Variants in ATXN10 observed in about 807,000 individuals in gnomAD.
The protein encoded by ATXN10 is ataxin 10.
ATXN10 carries 28 observed loss-of-function variants against 52.9 expected under a neutral mutation model. That is an observed-to-expected ratio of 0.53 (90% confidence interval 0.39 to 0.73). ATXN10 has a LOEUF of 0.73. Among genes scored for constraint, ATXN10 ranks in the 30% least tolerant of loss-of-function variants. The pLI is 0.00. For synonymous variants in ATXN10, 226 were observed against 221.5 expected (o/e 1.02, Z -0.18); for missense variants, 565 against 577.0 (o/e 0.98, Z 0.21).
At chr22:45,748,136 G>C (rs1280206736) in intron 9 of ATXN10, among the ~76,000 whole-genome samples, 1 of 151,810 alleles carries the variant, frequency 6.6e-6, no homozygotes, top group Non-Finnish European at 1.5e-5. Flanking sequence ...CCGTGATCGT[G>C]CCACTGCACT....
rs151250419 is a variant in ATXN10, at chr22:45,722,561, T to C, written c.728+4068T>C. On this transcript the variant is annotated intron_variant, in intron 6 of 11. Coordinates refer to ENST00000252934, the MANE Select transcript of ATXN10 (RefSeq NM_013236.4). ...CGTTAGCTCTCTCATCTTGTAACCA[T>C]ATAATAAAGCTGCATTATACAGGCG... 4.6e-5 allele frequency among the ~76,000 whole-genome samples: 7 copies of C among 152,322 alleles called. No homozygotes were observed. In the East Asian group the frequency reaches 1.2e-3, roughly 25 times the overall value.
chr22:45,815,294 A>G (rs541044807), intron 10 of ATXN10, among the ~76,000 whole-genome samples: 3 of 152,200 alleles, frequency 2.0e-5, no homozygotes, highest in African/African-American at 4.8e-5. Context: ...GGATTCATCT[A>G]TGGTAATAGA....
At chr22:45,778,396 G>A (rs1325321403) in intron 9 of ATXN10, among the ~76,000 whole-genome samples, 2 of 152,154 alleles carry the variant, frequency 1.3e-5, no homozygotes, top group Admixed American at 1.3e-4. Flanking sequence ...TCTTCATGAG[G>A]ATAATTGTAC....
rs1275500196 is a variant in ATXN10, at chr22:45,833,266, G to C, written c.1238-9725G>C. 1.3e-5 allele frequency among the ~76,000 whole-genome samples: 2 copies of C among 152,196 alleles called. No homozygotes were observed. Among genetic ancestry groups the C allele is most frequent in the Non-Finnish European group, 2.9e-5 (2 of 68,028 alleles). ...ACCCTTGACCACCGACTTCCTGGGA[G>C]CTGCTGAAGGCGTCGGGGGAGGTGG... is the stretch of plus-strand genomic sequence containing the variant. On this transcript the variant is annotated intron_variant, in intron 10 of 11. Transcript: ENST00000252934. This position sits in a 1 kb window ranked among gnomAD's most constrained non-coding sequence, Gnocchi z 4.3.
chr22:45,751,763 A>AAAAAAAATAATAATAAT lies in ATXN10; in HGVS notation c.1173+11227_1173+11228insAAAAATAATAATAATAA. Among the ~76,000 whole-genome samples, 20 of 66,608 alleles carry AAAAAAAATAATAATAAT rather than the reference A, an allele frequency of 3.0e-4. No homozygotes were observed. In the South Asian group the frequency reaches 3.4e-3, roughly 11 times the overall value. 43.7% of individuals were successfully genotyped at this position (66,608 alleles called of 152,430 possible). On this transcript the variant is annotated intron_variant, in intron 9 of 11. Transcript: ENST00000252934. ...TGGAAAAAAAAAAAAAATAAAAAAA[A>AAAAAAAATAATAATAAT]AATAATAATAATAATAATAATAATA... is the stretch of plus-strand genomic sequence containing the variant.
At chr22:45,686,008 A>G (rs1923120968) in intron 1 of ATXN10, among the ~76,000 whole-genome samples, 1 of 152,272 alleles carries the variant, frequency 6.6e-6, no homozygotes, top group Admixed American at 6.5e-5. Flanking sequence ...AACAGCAGTC[A>G]TAAAATATCT....
intron 9 of ATXN10, chr22:45,793,382 C>T: frequency 3.6e-6 from 1 of 280,948 alleles, no homozygotes; most frequent in Non-Finnish European, 6.3e-6. Context: ...TTCTGCTGTC[C>T]ATCATCCAAA....
At chr22:45,785,371 CT>C (rs1408130405) in intron 9 of ATXN10, among the ~76,000 whole-genome samples, 1 of 152,158 alleles carries the variant, frequency 6.6e-6, no homozygotes, top group East Asian at 1.9e-4. Context: ...ATTAAACTGT[CT>C]TAAAGAAATG....
intron 9 of ATXN10, among the ~76,000 whole-genome samples, chr22:45,803,660 G>A (rs889671661): frequency 3.9e-5 from 6 of 151,926 alleles, no homozygotes; most frequent in East Asian, 3.9e-4. Context: ...TCCCAATATC[G>A]GTCAGCACAA....
At chr22:45,699,736 C>T (rs1196384950) in intron 3 of ATXN10, among the ~76,000 whole-genome samples, 3 of 151,938 alleles carry the variant, frequency 2.0e-5, no homozygotes, top group Non-Finnish European at 4.4e-5. Context: ...AGGTGATCCG[C>T]ACCCCCCTCG....
rs2146870785 is a variant in ATXN10, at chr22:45,795,341, GACT to G, written c.1174-11613_1174-11611del. Reference sequence around the variant, plus strand: ...AAATGGCTTAAATATCCAACTAAAAGACTACTAGAATGGATTCTATTCTATTCT... The same window carrying G: ...AAATGGCTTAAATATCCAACTAAAAGACTAGAATGGATTCTATTCTATTCT... On this transcript the variant is annotated intron_variant, in intron 9 of 11. Transcript: ENST00000252934. The surrounding 1 kb of genome is among the most constrained non-coding windows in gnomAD (Gnocchi z 4.6). Among the ~76,000 whole-genome samples the G allele has an allele frequency of 6.7e-6, 1 of 149,070 alleles. No individual in the cohort carries two copies. Among genetic ancestry groups the G allele is most frequent in the East Asian group, 2.1e-4 (1 of 4,788 alleles).
rs1926734738 is a variant in ATXN10, at chr22:45,770,400, G to A, written c.1173+29862G>A. On this transcript the variant is annotated intron_variant, in intron 9 of 11. Coordinates refer to ENST00000252934, the MANE Select transcript of ATXN10 (RefSeq NM_013236.4). This position sits in a 1 kb window ranked among gnomAD's most constrained non-coding sequence, Gnocchi z 4.5. The stretch of plus-strand genomic sequence containing the variant: ...GGACAGGTGATGTGAAAAAGAGGGG[G>A]GTATGTGATGAATATACACACTAAT... 6.6e-6 allele frequency among the ~76,000 whole-genome samples: 1 copy of A among 152,172 alleles called. No homozygotes were observed. Among genetic ancestry groups the A allele is most frequent in the Non-Finnish European group, 1.5e-5 (1 of 68,026 alleles).
chr22:45,795,817 T>C lies in ATXN10; in HGVS notation c.1174-11142T>C, dbSNP rs1210062391. 6.6e-6 allele frequency among the ~76,000 whole-genome samples: 1 copy of C among 152,256 alleles called. No individual in the cohort carries two copies. Among genetic ancestry groups the C allele is most frequent in the African/African-American group, 2.4e-5 (1 of 41,468 alleles). ...CAACACTCTTATAATTTCCTATGCC[T>C]GTCTTGTCTTTAATATCTTAATCTC... On this transcript the variant is annotated intron_variant, in intron 9 of 11. Coordinates refer to ENST00000252934, the MANE Select transcript of ATXN10 (RefSeq NM_013236.4). The surrounding 1 kb of genome is among the most constrained non-coding windows in gnomAD (Gnocchi z 4.6).
chr22:45,702,810 A>C lies in ATXN10; in HGVS notation c.610A>C (p.Ile204Leu). ...GAACCTCAATATTGCAATTGATGTC[A>C]TAGATGCTTACCAAAAACATCCTGA... ...EENLNIAIDVIDAYQKHPESE... is the reference protein window; with the variant it reads ...EENLNIAIDVLDAYQKHPESE... Residue 204 changes from isoleucine (I) to leucine (L), a missense_variant, in exon 5 of 12, where the codon ATA (isoleucine) becomes CTA (leucine). Coordinates refer to ENST00000252934, the MANE Select transcript of ATXN10 (RefSeq NM_013236.4). 6.2e-7 allele frequency: 1 copy of C among 1,613,996 alleles called. No individual in the cohort carries two copies. Among genetic ancestry groups the C allele is most frequent in the Non-Finnish European group, 8.5e-7 (1 of 1,179,978 alleles).
intron 1 of ATXN10, among the ~76,000 whole-genome samples, chr22:45,680,614 C>A (rs532646665): frequency 6.6e-6 from 1 of 151,776 alleles, no homozygotes; most frequent in Non-Finnish European, 1.5e-5. Flanking sequence ...CGCCACCATG[C>A]CCCGCTAATT....
intron 10 of ATXN10, among the ~76,000 whole-genome samples, chr22:45,814,459 A>G (rs944993047): frequency 1.3e-5 from 2 of 152,348 alleles, no homozygotes; most frequent in East Asian, 1.9e-4. Context: ...TAAAAGCCCC[A>G]ACAATACTCA....
At position 45,702,795 on chromosome 22, in the gene ATXN10, A is replaced by G. The variant is rs916070959; in HGVS notation, c.595A>G (p.Ile199Val). The change falls in exon 5 of 12, where the codon ATT becomes GTT. Residue 199 changes from isoleucine to valine, a missense_variant. Physicochemically the swap from Ile to Val is conservative, Grantham distance 29. Coordinates refer to ENST00000252934, the MANE Select transcript of ATXN10 (RefSeq NM_013236.4). ...RMKELEENLN[I>V]AIDVIDAYQK... The stretch of plus-strand genomic sequence containing the variant: ...GAAAGAACTGGAGGAGAACCTCAAT[A>G]TTGCAATTGATGTCATAGATGCTTA... 2.5e-6 allele frequency: 4 copies of G among 1,613,906 alleles called. No homozygotes were observed. The highest frequency in any genetic ancestry group is 3.4e-6 in the Non-Finnish European group (4 of 1,179,968).
chr22:45,765,890 A>G (rs1431063925), intron 9 of ATXN10, among the ~76,000 whole-genome samples: 3 of 152,220 alleles, frequency 2.0e-5, no homozygotes, highest in Non-Finnish European at 4.4e-5. Context: ...TTCTAAATTT[A>G]TTTAGATAAA....
chr22:45,753,373 C>T (rs977280969), intron 9 of ATXN10, among the ~76,000 whole-genome samples: 5 of 122,348 alleles, frequency 4.1e-5, no homozygotes, highest in Admixed American at 3.8e-4. Flanking sequence ...TCACCTCTTA[C>T]CAGCTTTTTT....
Sources: allele counts gnomAD v4.1 joint callset (sites outside exome capture counted in the v4.1 genomes callset), GRCh38; gene constraint gnomAD v4.1.1; non-coding constraint Gnocchi (gnomAD v3.1); transcripts MANE v1.5; gene names NCBI Gene and HGNC (gene_info 2026-07-23, HGNC 2026-07-21).